The following RIMBP2 variants were observed in gnomAD, a reference collection of about 807,000 sequenced individuals.
RIMBP2 encodes RIMS-binding protein 2.
A neutral mutation model predicts 118.6 loss-of-function variants in RIMBP2; 48 were observed. The observed-to-expected ratio is 0.40, with a 90% CI of 0.32 to 0.51. The LOEUF is 0.51. Among genes scored for constraint, RIMBP2 ranks in the 20% least tolerant of loss-of-function variants. The probability of loss-of-function intolerance (pLI) is 0.41; values close to 1 mark genes in which losing one functional copy is unlikely to be tolerated. For synonymous variants in RIMBP2, 762 were observed against 742.9 expected, an observed-to-expected ratio of 1.03 and a Z score of -0.42; for missense variants, 1,551 against 1,768.3, an observed-to-expected ratio of 0.88 and a Z score of 2.20.
At chr12:130,491,534 C>T (rs1393157799) in intron 4 of RIMBP2, among the ~76,000 whole-genome samples, 1 of 152,208 alleles carries the variant, frequency 6.6e-6, no homozygotes, top group Non-Finnish European at 1.5e-5. Context: ...GCACACTGTT[C>T]GTGCCTCTGT....
chr12:130,476,066 C>T (rs917740781), intron 5 of RIMBP2, among the ~76,000 whole-genome samples: 4 of 152,098 alleles, frequency 2.6e-5, no homozygotes, highest in African/African-American at 9.7e-5. Context: ...GATGTGACTT[C>T]AGGACTGAGT....
chr12:130,456,576 A>C lies in RIMBP2; in HGVS notation c.278T>G (p.Val93Gly), dbSNP rs1245565793. The C allele has an allele frequency of 1.2e-6, 2 of 1,613,240 alleles. No homozygotes were observed. The highest frequency in any genetic ancestry group is 2.7e-5 in the African/African-American group (2 of 74,902). ...GKIDLLGGSA[V>G]APLDISTAPS... is the part of the protein sequence containing the mutation. ...GGCCGTGGAGATGTCCAGGGGGGCCACCGCGCTGCCACCCAGCAGGTCAAT... is the reference window on the plus strand; with the variant it reads ...GGCCGTGGAGATGTCCAGGGGGGCCCCCGCGCTGCCACCCAGCAGGTCAAT... The change falls in exon 7 of 23, where the codon GTG (valine) becomes GGG (glycine). Residue 93 changes from valine (V) to glycine (G), a missense_variant. Val to Gly is a moderately radical substitution (Grantham distance 109). This residue lies in a region of RIMBP2 where 239 missense variants were observed against 256.8 expected (regional missense o/e 0.93). Transcript: ENST00000690449.
chr12:130,432,895 G>A (rs993836056), intron 14 of RIMBP2, among the ~76,000 whole-genome samples: 2 of 152,186 alleles, frequency 1.3e-5, no homozygotes, highest in African/African-American at 2.4e-5. Flanking sequence ...ACCAAGAAAA[G>A]GAATCATCTG....
At chr12:130,432,044 C>T (rs1300393610) in intron 14 of RIMBP2, 4 of 299,978 alleles carry the variant, frequency 1.3e-5, no homozygotes, top group Non-Finnish European at 2.6e-5. Context: ...CTGTGGCTGC[C>T]ATAAGACAGC....
intron 1 of RIMBP2, among the ~76,000 whole-genome samples, chr12:130,682,102 C>T (rs1245279005): frequency 6.6e-6 from 1 of 152,216 alleles, no homozygotes; most frequent in African/African-American, 2.4e-5. Flanking sequence ...GGTGGTGGCT[C>T]ACCCAGGGAC....
At chr12:130,671,233 C>A (rs1334318471) in intron 1 of RIMBP2, among the ~76,000 whole-genome samples, 2 of 152,130 alleles carry the variant, frequency 1.3e-5, no homozygotes, top group African/African-American at 4.8e-5. Flanking sequence ...GTCACAGCTT[C>A]CCACTTTCAG....
chr12:130,610,944 T>C (rs1054624903), intron 2 of RIMBP2, among the ~76,000 whole-genome samples: 1 of 152,218 alleles, frequency 6.6e-6, no homozygotes, highest in Non-Finnish European at 1.5e-5. Context: ...AGGCTGTTGC[T>C]GCCCAGCGAG....
chr12:130,533,260 G>A (rs930992273), intron 2 of RIMBP2, among the ~76,000 whole-genome samples: 1 of 152,110 alleles, frequency 6.6e-6, no homozygotes, highest in Non-Finnish European at 1.5e-5. Flanking sequence ...AGAAAAGTGG[G>A]GAGTGTCAAA....
Position 130,448,256 on chromosome 12 carries a change from C to T in RIMBP2, c.581+1944G>A, listed in dbSNP as rs117009138. On this transcript the variant is annotated intron_variant, in intron 9 of 22. Coordinates refer to ENST00000690449, the MANE Select transcript of RIMBP2 (RefSeq NM_001393629.1). The stretch of plus-strand genomic sequence containing the variant: ...CAGATGTGCTGGCTCGTCACGCCCC[C>T]GCTTCTGGAGCCACACCAGCCGTGG... Among the ~76,000 whole-genome samples, 102 of 152,326 alleles carry T rather than the reference C, an allele frequency of 6.7e-4. No individual in the cohort carries two copies. In the East Asian group the frequency reaches 0.015, roughly 22 times the overall value.
At chr12:130,411,224 G>A (rs956784176) in intron 19 of RIMBP2, among the ~76,000 whole-genome samples, 1 of 152,136 alleles carries the variant, frequency 6.6e-6, no homozygotes, top group Non-Finnish European at 1.5e-5. Flanking sequence ...CACTCCATTT[G>A]TTAGTTCTAG....
chr12:130,685,590 CA>C (rs1170856817), intron 1 of RIMBP2, among the ~76,000 whole-genome samples: 1 of 152,130 alleles, frequency 6.6e-6, no homozygotes, highest in African/African-American at 2.4e-5. Flanking sequence ...CCAAAAAGCC[CA>C]GGCAGGAAGG....
intron 1 of RIMBP2, among the ~76,000 whole-genome samples, chr12:130,646,851 G>A (rs137943516): frequency 2.5e-4 from 38 of 152,366 alleles, no homozygotes; most frequent in East Asian, 1.2e-3. Context: ...CTGCAGCCAC[G>A]ACACACAGGC....
chr12:130,555,795 G>A (rs892417749), intron 2 of RIMBP2, among the ~76,000 whole-genome samples: 1 of 152,222 alleles, frequency 6.6e-6, no homozygotes, highest in Non-Finnish European at 1.5e-5. Context: ...TGTACCAGAG[G>A]AGGGAGATTG....
chr12:130,537,423 C>G (rs2054175496), intron 2 of RIMBP2, among the ~76,000 whole-genome samples: 1 of 152,192 alleles, frequency 6.6e-6, no homozygotes, highest in Non-Finnish European at 1.5e-5. Context: ...CCCTACGGTA[C>G]AAGGCAAACA....
At chr12:130,534,440 C>CATCTCTAGT (rs2053804795) in intron 2 of RIMBP2, among the ~76,000 whole-genome samples, 1 of 152,060 alleles carries the variant, frequency 6.6e-6, no homozygotes, top group South Asian at 2.1e-4. Flanking sequence ...GGTGAAACTC[C>CATCTCTAGT]ATCTCTAGTA....
At chr12:130,532,788 C>T (rs80289328) in intron 2 of RIMBP2, among the ~76,000 whole-genome samples, 16,577 of 96,406 alleles carry the variant, frequency 0.17, 3,640 homozygotes, top group Non-Finnish European at 0.25. Context: ...CTAGGAGTTA[C>T]GTCTAATGAG....
At position 130,710,447 on chromosome 12, in the gene RIMBP2, CACACACACACATACACACACACACGT is replaced by C. The variant is rs1022541159; in HGVS notation, c.-352+5749_-352+5774del. On this transcript the variant is annotated intron_variant, in intron 1 of 22. Coordinates refer to ENST00000690449, the MANE Select transcript of RIMBP2 (RefSeq NM_001393629.1). This position sits in a 1 kb window ranked among gnomAD's most constrained non-coding sequence, Gnocchi z 4.3. ...GCACACACACACATACACGCAGGCGCACACACACACATACACACACACACGTACACACACACATGTGTGCTCCCCAT... is the reference window on the plus strand; with the variant it reads ...GCACACACACACATACACGCAGGCGCACACACACACATGTGTGCTCCCCAT... Among the ~76,000 whole-genome samples the C allele has an allele frequency of 4.0e-5, 6 of 151,716 alleles. No homozygotes were observed. The highest frequency in any genetic ancestry group is 1.4e-4 in the African/African-American group (6 of 41,390).
intron 1 of RIMBP2, among the ~76,000 whole-genome samples, chr12:130,630,082 T>C (rs932839176): frequency 2.0e-5 from 3 of 151,574 alleles, no homozygotes; most frequent in African/African-American, 7.3e-5. Context: ...AGAACTCTTG[T>C]GAATGAAAAA....
chr12:130,424,466 TC>T lies in RIMBP2; in HGVS notation c.2804del (p.Gly935GlufsTer30), dbSNP rs1389642857. ...CTGGGCTGCACGCGGCCACGGTGTT[TC>T]CGAAGCCAAACCGCGACTCGTCCTC... ...SEEDESRFGFGNTVAACSPGP... is the reference protein window; with the variant it reads ...SEEDESRFGFXNTVAACSPGP... On this transcript the variant is annotated frameshift_variant, in exon 16 of 23. Transcript: ENST00000690449. LOFTEE classifies it high-confidence loss of function. This position sits in a 1 kb window ranked among gnomAD's most constrained non-coding sequence, Gnocchi z 9.8. 8.1e-7 allele frequency: 1 copy of T among 1,231,940 alleles called. No homozygotes were observed. Among genetic ancestry groups the T allele is most frequent in the Non-Finnish European group, 1.0e-6 (1 of 987,854 alleles). The allele number at this position is 1,231,940 out of a possible 1,614,324, so 76.3% of individuals were successfully genotyped here.
Sources: gnomAD v4.1 joint callset for allele counts (sites outside exome capture counted in the v4.1 genomes callset) on GRCh38, gnomAD v4.1.1 for gene constraint, gnomAD v4.1.1 regional missense constraint, Gnocchi (gnomAD v3.1) non-coding constraint, MANE v1.5 for transcripts, NCBI Gene and HGNC (gene_info 2026-07-23, HGNC 2026-07-21) for gene names.